Variants in CHN2 observed in about 807,000 individuals in gnomAD.
CHN2 encodes beta-chimaerin.
In CHN2, 35 loss-of-function variants were observed where a neutral mutation model predicts 56.3. The ratio of observed to expected loss-of-function variants is 0.62; its 90% CI spans 0.47 to 0.82. The LOEUF (loss-of-function observed/expected upper bound fraction) is 0.82, where lower values mean the gene tolerates loss of function less well. CHN2 is among the 40% of genes least tolerant of loss of function. CHN2 has a pLI of 0.00. For synonymous variants in CHN2, 210 were observed against 212.8 expected (o/e 0.99, Z 0.12); for missense variants, 491 against 580.5 (o/e 0.85, Z 1.58).
chr7:29,435,391 G>C lies in CHN2; in HGVS notation c.576+34563G>C, dbSNP rs1210695705. On this transcript the variant is annotated intron_variant, in intron 6 of 12. Transcript: ENST00000222792. ...GGGGTCACATGTCACTTAATGACAG[G>C]GATTCATTCTGAGAAGTGTGTCATT... is the stretch of plus-strand genomic sequence containing the variant. Among the ~76,000 whole-genome samples the C allele has an allele frequency of 2.0e-5, 3 of 152,234 alleles. No homozygotes were observed. The East Asian group carries it at 5.8e-4, about 29-fold the overall frequency.
At chr7:29,311,821 G>A (rs1794625521) in intron 1 of CHN2, among the ~76,000 whole-genome samples, 1 of 152,222 alleles carries the variant, frequency 6.6e-6, no homozygotes, top group Admixed American at 6.5e-5. Flanking sequence ...CATCTGCCAT[G>A]TGTCAGGCAT....
At position 29,221,831 on chromosome 7, in the gene CHN2, C is replaced by T. The variant is rs183169929; in HGVS notation, c.49+26841C>T. ...GCTGCATAGTATTCCATGGTGTATA[C>T]ATACTACATTTTCTTTATCCAGTCT... On this transcript the variant is annotated intron_variant, in intron 1 of 12. Transcript: ENST00000222792. 1.5e-3 allele frequency among the ~76,000 whole-genome samples: 235 copies of T among 152,236 alleles called. 1 individual carries two copies. The highest frequency in any genetic ancestry group is 5.3e-3 in the African/African-American group (220 of 41,548).
At chr7:29,468,322 C>T (rs117120601) in intron 6 of CHN2, among the ~76,000 whole-genome samples, 2,236 of 152,084 alleles carry the variant, frequency 0.015, 24 homozygotes, top group Non-Finnish European at 0.022. Flanking sequence ...ACTGGCTCAG[C>T]GTTCTGTGGT....
chr7:29,184,151 T>TGATAGATA (rs56102038), intron 2 of CHN2, among the ~76,000 whole-genome samples: 7,649 of 143,296 alleles, frequency 0.053, 235 homozygotes, highest in Middle Eastern at 0.067. Context: ...TACAGATAGA[T>TGATAGATA]GATAGATAGA....
Position 29,509,421 on chromosome 7 carries a change from C to A in CHN2, c.1235+15C>A. The stretch of plus-strand genomic sequence containing the variant: ...CACCTCAAAAAGTAAGCTCATGTCT[C>A]GTGCACAAAGCCTGCTCTGCTCCTA... On this transcript the variant is annotated intron_variant, in intron 12 of 12. Transcript: ENST00000222792. 2 of 1,595,236 alleles carry A rather than the reference C, an allele frequency of 1.3e-6. No individual in the cohort carries two copies. The highest frequency in any genetic ancestry group is 1.7e-6 in the Non-Finnish European group (2 of 1,162,972).
intron 1 of CHN2, among the ~76,000 whole-genome samples, chr7:29,225,530 T>C (rs1352975961): frequency 1.3e-5 from 2 of 152,228 alleles, no homozygotes; most frequent in African/African-American, 4.8e-5. Context: ...TGTATATGCA[T>C]GTTTAGAGCA....
intron 1 of CHN2, among the ~76,000 whole-genome samples, chr7:29,326,399 G>C (rs1345582692): frequency 1.3e-5 from 2 of 152,120 alleles, no homozygotes; most frequent in African/African-American, 4.8e-5. Flanking sequence ...CTTGTGATCC[G>C]CCTGCCTTGG....
intron 6 of CHN2, among the ~76,000 whole-genome samples, chr7:29,436,944 T>TTAATAA (rs141827176): frequency 0.042 from 6,248 of 150,324 alleles, 148 homozygotes; most frequent in African/African-American, 0.073. Flanking sequence ...CTTATTAAAA[T>TTAATAA]TAATAATAAT....
At chr7:29,324,125 C>A (rs1795610345) in intron 1 of CHN2, among the ~76,000 whole-genome samples, 2 of 152,032 alleles carry the variant, frequency 1.3e-5, no homozygotes, top group African/African-American at 4.8e-5. Flanking sequence ...GTTGGTGGGT[C>A]CATTGGAGCC....
chr7:29,426,960 C>T (rs768779412), intron 6 of CHN2, among the ~76,000 whole-genome samples: 13 of 152,206 alleles, frequency 8.5e-5, no homozygotes, highest in Non-Finnish European at 1.5e-4. Context: ...CTTTTTCACA[C>T]TCTTAATCTC....
intron 1 of CHN2, among the ~76,000 whole-genome samples, chr7:29,205,679 C>T (rs1013911958): frequency 9.2e-5 from 14 of 152,090 alleles, no homozygotes; most frequent in African/African-American, 3.1e-4. Flanking sequence ...GGAGTGTAAT[C>T]GTGCCAACTT....
At position 29,233,825 on chromosome 7, in the gene CHN2, A is replaced by ATTTTTTTTTTTTTTTTTTTTTT. The variant is rs1175429614; in HGVS notation, c.49+38840_49+38861dup. Among the ~76,000 whole-genome samples the ATTTTTTTTTTTTTTTTTTTTTT allele has an allele frequency of 5.6e-5, 3 of 53,200 alleles. 1 individual carries two copies. Among genetic ancestry groups the ATTTTTTTTTTTTTTTTTTTTTT allele is most frequent in the African/African-American group, 6.9e-5 (1 of 14,472 alleles). 34.9% of individuals were successfully genotyped at this position (53,200 alleles called of 152,430 possible). On this transcript the variant is annotated intron_variant, in intron 1 of 12. Coordinates refer to ENST00000222792, the MANE Select transcript of CHN2 (RefSeq NM_004067.4). Reference sequence around the variant, plus strand: ...AGAATGCAGCCCTGCCAACACCTTGATTTTTTTTTTTTTTTTTTTTTTTTT... The same window carrying ATTTTTTTTTTTTTTTTTTTTTT: ...AGAATGCAGCCCTGCCAACACCTTGATTTTTTTTTTTTTTTTTTTTTTTTTTTTTTTTTTTTTTTTTTTTTTT...
chr7:29,221,285 G>T (rs777744669), intron 1 of CHN2, among the ~76,000 whole-genome samples: 1 of 152,120 alleles, frequency 6.6e-6, no homozygotes, highest in Non-Finnish European at 1.5e-5. Context: ...TATATACATA[G>T]AAAATATAAA....
Position 29,200,568 on chromosome 7 carries a change from T to C in CHN2, c.49+5578T>C, listed in dbSNP as rs912144730. ...TCATCAATCCCACATTTGGTTTTCT[T>C]TACTGTTCGTAGTTTGCAAATCCTC... On this transcript the variant is annotated intron_variant, in intron 1 of 12. Coordinates refer to ENST00000222792, the MANE Select transcript of CHN2 (RefSeq NM_004067.4). 54 of 151,094 alleles carry C rather than the reference T, an allele frequency of 3.6e-4. 1 individual carries two copies. Among genetic ancestry groups the C allele is most frequent in the African/African-American group, 1.2e-3 (50 of 41,086 alleles). 9.4% of individuals were successfully genotyped at this position (151,094 alleles called of 1,614,324 possible).
chr7:29,370,889 A>G (rs897838595), intron 3 of CHN2, among the ~76,000 whole-genome samples: 2 of 152,226 alleles, frequency 1.3e-5, no homozygotes, highest in African/African-American at 4.8e-5. Context: ...TAGCAAATCC[A>G]GGAAAGCAGG....
At chr7:29,295,936 A>G (rs531637164) in intron 1 of CHN2, among the ~76,000 whole-genome samples, 33 of 152,316 alleles carry the variant, frequency 2.2e-4, no homozygotes, top group African/African-American at 7.9e-4. Context: ...ATTGGGTCCC[A>G]GAGGAAGGAG....
intron 2 of CHN2, among the ~76,000 whole-genome samples, chr7:29,188,269 C>T (rs1401663885): frequency 6.6e-6 from 1 of 152,026 alleles, no homozygotes; most frequent in African/African-American, 2.4e-5. Context: ...GATTATTAAC[C>T]CATTTTAGAG....
chr7:29,196,550 G>A (rs1390596167), intron 1 of CHN2, among the ~76,000 whole-genome samples: 3 of 152,202 alleles, frequency 2.0e-5, no homozygotes, highest in Admixed American at 1.3e-4. Flanking sequence ...CAGTGGTGTT[G>A]GCTTTCTATT....
intron 2 of CHN2, among the ~76,000 whole-genome samples, chr7:29,151,907 A>G (rs1009160680): frequency 6.6e-6 from 1 of 152,248 alleles, no homozygotes; most frequent in African/African-American, 2.4e-5. Context: ...TCACTGGTTG[A>G]AGGAAAGACA....
Sources: allele counts gnomAD v4.1 joint callset (sites outside exome capture counted in the v4.1 genomes callset), GRCh38; gene constraint gnomAD v4.1.1; transcripts MANE v1.5; gene names NCBI Gene and HGNC (gene_info 2026-07-23, HGNC 2026-07-21).